Variants in TMX4 observed in about 807,000 individuals in gnomAD.
The protein encoded by TMX4 is thioredoxin-related transmembrane protein 4.
TMX4 carries 23 observed loss-of-function variants against 33.3 expected under a neutral mutation model. The ratio of observed to expected loss-of-function variants is 0.69; its 90% CI spans 0.50 to 0.98. TMX4 has a LOEUF of 0.98. Ranked by LOEUF, TMX4 falls within the 50% of genes least tolerant of loss-of-function variation. The probability of loss-of-function intolerance (pLI) is 0.00; values close to 1 mark genes in which losing one functional copy is unlikely to be tolerated. For missense variants in TMX4, 399 were observed against 448.9 expected, an observed-to-expected ratio of 0.89 and a Z score of 1.01; for synonymous variants, 164 against 161.5, an observed-to-expected ratio of 1.02 and a Z score of -0.12.
chr20:8,000,427 A>G (rs529283210), intron 3 of TMX4, among the ~76,000 whole-genome samples: 1 of 151,976 alleles, frequency 6.6e-6, no homozygotes, highest in Non-Finnish European at 1.5e-5. Flanking sequence ...GAAACCACTC[A>G]TACTGGGGGT....
intron 5 of TMX4, among the ~76,000 whole-genome samples, chr20:7,994,737 G>A (rs1205311255): frequency 6.6e-6 from 1 of 152,104 alleles, no homozygotes; most frequent in Non-Finnish European, 1.5e-5. Flanking sequence ...ACAGTATAAT[G>A]CTACACGGCT....
At chr20:8,001,658 T>C in intron 2 of TMX4, 117 bp from the exon 3 acceptor site, 2 of 1,033,940 alleles carry the variant, frequency 1.9e-6, no homozygotes, top group South Asian at 3.1e-5. Flanking sequence ...TCACATTTAC[T>C]ATTTTTTTTG....
At chr20:7,999,934 G>T in intron 3 of TMX4, 74 bp from the exon 4 acceptor site, 1 of 1,497,744 alleles carries the variant, frequency 6.7e-7, no homozygotes, top group Non-Finnish European at 9.0e-7. Context: ...AATTAAAATA[G>T]CTACTGGTGA....
At chr20:7,999,259 TG>T (rs754442719) in intron 4 of TMX4, among the ~76,000 whole-genome samples, 30 of 152,212 alleles carry the variant, frequency 2.0e-4, no homozygotes, top group Non-Finnish European at 3.2e-4. Context: ...TTATACAGTT[TG>T]CCGTCAAGGC....
rs571308021 is a variant in TMX4 at position 7,995,151 on chromosome 20, T to C, written c.513+875A>G. ...GTCTTTCAACATATATGAATGTGTA[T>C]GAGAAACAGAAAAAGAGTCTTCACA... On this transcript the variant is annotated intron_variant, in intron 5 of 7. Transcript: ENST00000246024. Among the ~76,000 whole-genome samples the C allele has an allele frequency of 2.6e-5, 4 of 152,248 alleles. No homozygotes were observed. In the South Asian group the frequency reaches 8.3e-4, roughly 32 times the overall value.
chr20:8,016,307 G>C (rs2050775245), intron 1 of TMX4, among the ~76,000 whole-genome samples: 1 of 152,180 alleles, frequency 6.6e-6, no homozygotes, highest in East Asian at 1.9e-4. Flanking sequence ...GGGAGGCAGA[G>C]GGTACACTGA....
chr20:8,016,662 A>G (rs1239118465), intron 1 of TMX4, among the ~76,000 whole-genome samples: 1 of 152,206 alleles, frequency 6.6e-6, no homozygotes, highest in African/African-American at 2.4e-5. Context: ...CTATACCAAT[A>G]TAACCAGAAA....
intron 5 of TMX4, among the ~76,000 whole-genome samples, chr20:7,988,323 T>C (rs1211363222): frequency 6.6e-6 from 1 of 152,168 alleles, no homozygotes; most frequent in African/African-American, 2.4e-5. Context: ...TTGATGAAAA[T>C]GAGTCCAAGT....
chr20:7,998,684 C>T (rs775479030), intron 4 of TMX4, among the ~76,000 whole-genome samples: 3 of 152,208 alleles, frequency 2.0e-5, no homozygotes, highest in Non-Finnish European at 2.9e-5. Flanking sequence ...GTACACCAAG[C>T]TCCTTTCCAA....
intron 1 of TMX4, among the ~76,000 whole-genome samples, chr20:8,017,162 AATAG>A: frequency 6.6e-6 from 1 of 152,326 alleles, no homozygotes; most frequent in South Asian, 2.1e-4. Context: ...ATAGATCACA[AATAG>A]ATAAGAACCA....
chr20:7,996,106 T>C lies in TMX4; in HGVS notation c.468-35A>G, dbSNP rs141639903. On this transcript the variant is annotated intron_variant, in intron 4 of 7. Coordinates refer to ENST00000246024, the MANE Select transcript of TMX4 (RefSeq NM_021156.4). ...AAATAAAGAGAAGAAACAGTGATCATATATACTATAAAAAAAAAATGAAAA... is the reference window on the plus strand; with the variant it reads ...AAATAAAGAGAAGAAACAGTGATCACATATACTATAAAAAAAAAATGAAAA... The C allele has an allele frequency of 1.3e-4, 208 of 1,556,400 alleles. No homozygotes were observed. The East Asian group carries it at 4.3e-3, about 32-fold the overall frequency.
chr20:7,987,496 T>G (rs1774543521), intron 5 of TMX4, 107 bp from the exon 6 acceptor site: 2 of 670,814 alleles, frequency 3.0e-6, no homozygotes, highest in African/African-American at 3.8e-5. Context: ...CCCACAAAGC[T>G]TTATGTATCT....
intron 7 of TMX4, among the ~76,000 whole-genome samples, chr20:7,983,083 C>G (rs2050616247): frequency 6.6e-6 from 1 of 152,200 alleles, no homozygotes; most frequent in South Asian, 2.1e-4. Flanking sequence ...GCCACACAGA[C>G]AGAGAAACCT....
At chr20:8,014,206 T>C (rs2122883253) in intron 1 of TMX4, among the ~76,000 whole-genome samples, 1 of 152,330 alleles carries the variant, frequency 6.6e-6, no homozygotes, top group Middle Eastern at 3.4e-3. Context: ...GAAAGTGGAA[T>C]TCATGACTTT....
At chr20:8,015,093 G>T (rs2205781) in intron 1 of TMX4, among the ~76,000 whole-genome samples, 68,756 of 151,708 alleles carry the variant, frequency 0.45, 20,735 homozygotes, top group East Asian at 0.91. Context: ...AAAACAGTTA[G>T]TTGGAACATG....
rs576695474 is a variant in TMX4 at position 8,011,558 on chromosome 20, G to C, written c.177-1243C>G. Among the ~76,000 whole-genome samples, 6 of 152,092 alleles carry C rather than the reference G, an allele frequency of 3.9e-5. 1 individual carries two copies. The South Asian group carries it at 1.2e-3, about 32-fold the overall frequency. On this transcript the variant is annotated intron_variant, in intron 1 of 7. Coordinates refer to ENST00000246024, the MANE Select transcript of TMX4 (RefSeq NM_021156.4). ...AAAAACAAAAACTGAAATTGGGCAAGATTTTGATCTTTCGCATTATAAAAG... is the reference window on the plus strand; with the variant it reads ...AAAAACAAAAACTGAAATTGGGCAACATTTTGATCTTTCGCATTATAAAAG...
chr20:7,982,766 C>A, intron 7 of TMX4, 145 bp from the exon 8 acceptor site: 1 of 934,610 alleles, frequency 1.1e-6, no homozygotes, highest in African/African-American at 1.7e-5. Context: ...GACAGATTCT[C>A]TGGTTGGCAT....
chr20:8,004,100 T>A (rs2050717913), intron 2 of TMX4, among the ~76,000 whole-genome samples: 1 of 150,032 alleles, frequency 6.7e-6, no homozygotes. Context: ...TCCCTGTAGA[T>A]CCAACACCAT....
chr20:8,005,878 C>T (rs2050727529), intron 2 of TMX4, among the ~76,000 whole-genome samples: 1 of 152,176 alleles, frequency 6.6e-6, no homozygotes, highest in South Asian at 2.1e-4. Context: ...CCCGTTCTGG[C>T]CTCCCCATCC....
Sources: gnomAD v4.1 joint callset for allele counts (sites outside exome capture counted in the v4.1 genomes callset) on GRCh38, gnomAD v4.1.1 for gene constraint, MANE v1.5 for transcripts, NCBI Gene and HGNC (gene_info 2026-07-23, HGNC 2026-07-21) for gene names.